The following PRKG1 variants were observed in gnomAD, a reference collection of about 807,000 sequenced individuals.
PRKG1 encodes protein kinase cGMP-dependent 1.
In PRKG1, 35 loss-of-function variants were observed where a neutral mutation model predicts 88.1. The ratio of observed to expected loss-of-function variants is 0.40; its 90% CI spans 0.30 to 0.53. The LOEUF (loss-of-function observed/expected upper bound fraction) is 0.53. Ranked by LOEUF, PRKG1 falls within the 20% of genes least tolerant of loss-of-function variation. PRKG1 has a pLI of 0.59. For synonymous variants in PRKG1, 303 were observed against 292.5 expected (o/e 1.04, Z -0.37); for missense variants, 540 against 839.8 (o/e 0.64, Z 4.41).
At chr10:51,336,079 A>G (rs575389982) in intron 2 of PRKG1, among the ~76,000 whole-genome samples, 41 of 152,216 alleles carry the variant, frequency 2.7e-4, no homozygotes, top group Non-Finnish European at 4.4e-4. Context: ...CAGGCTAGGC[A>G]TGGTGGCTCA....
In PRKG1 at chr10:52,003,923, T is replaced by C. The variant is rs556236936; in HGVS notation, c.763-50561T>C. On this transcript the variant is annotated intron_variant, in intron 5 of 17. Coordinates refer to ENST00000373980, the MANE Select transcript of PRKG1 (RefSeq NM_006258.4). The stretch of plus-strand genomic sequence containing the variant: ...TCAGCTCCTTAATCTAGTTACTTTG[T>C]GGCCCTAGAAAGTCATTTAACCTCT... 6.6e-5 allele frequency among the ~76,000 whole-genome samples: 10 copies of C among 152,324 alleles called. No individual in the cohort carries two copies. In the South Asian group the frequency reaches 2.1e-3, roughly 32 times the overall value.
chr10:52,210,608 A>C (rs184808714), intron 9 of PRKG1, among the ~76,000 whole-genome samples: 56 of 152,324 alleles, frequency 3.7e-4, no homozygotes, highest in Non-Finnish European at 6.5e-4. Flanking sequence ...ACTGTGTGCA[A>C]ATATTGGTCT....
intron 2 of PRKG1, among the ~76,000 whole-genome samples, chr10:51,263,885 G>A (rs1839776619): frequency 6.6e-6 from 1 of 152,178 alleles, no homozygotes; most frequent in South Asian, 2.1e-4. Flanking sequence ...CTTTTAGAGT[G>A]TCACATCACT....
intron 5 of PRKG1, among the ~76,000 whole-genome samples, chr10:51,979,164 C>T (rs190221860): frequency 7.2e-4 from 109 of 152,026 alleles, no homozygotes; most frequent in South Asian, 2.1e-3. Context: ...GAGTTTTGAA[C>T]GTGAAGAGAT....
intron 17 of PRKG1, among the ~76,000 whole-genome samples, chr10:52,292,718 T>G (rs377515625): frequency 2.0e-5 from 3 of 152,208 alleles, no homozygotes; most frequent in East Asian, 1.9e-4. Flanking sequence ...CAACCCTTCA[T>G]GCTAAAAACT....
chr10:52,020,303 G>A (rs1440602469), intron 5 of PRKG1, among the ~76,000 whole-genome samples: 2 of 152,100 alleles, frequency 1.3e-5, no homozygotes, highest in Non-Finnish European at 2.9e-5. Context: ...TTTTTCATCT[G>A]TGGATCTCTA....
intron 5 of PRKG1, among the ~76,000 whole-genome samples, chr10:51,995,754 A>G (rs762790271): frequency 6.6e-5 from 10 of 152,314 alleles, no homozygotes; most frequent in Non-Finnish European, 1.3e-4. Context: ...TCAGTTCCTT[A>G]TCTGAAAAAT....
At position 52,159,963 on chromosome 10, in the gene PRKG1, G is replaced by GTAAA. The variant is rs369500494; in HGVS notation, c.1002-1923_1002-1920dup. 2.6e-3 allele frequency among the ~76,000 whole-genome samples: 396 copies of GTAAA among 151,666 alleles called. 3 individuals are homozygous for GTAAA. The highest frequency in any genetic ancestry group is 9.2e-3 in the African/African-American group (382 of 41,438). Reference sequence around the variant, plus strand: ...ATAATGTTTTGGATTTTGTTGTATTGTAAATATCCAAATATAAAGGACAGA... The same window carrying GTAAA: ...ATAATGTTTTGGATTTTGTTGTATTGTAAATAAATATCCAAATATAAAGGACAGA... On this transcript the variant is annotated intron_variant, in intron 8 of 17. Coordinates refer to ENST00000373980, the MANE Select transcript of PRKG1 (RefSeq NM_006258.4).
chr10:52,116,041 C>A (rs897023770), intron 7 of PRKG1, among the ~76,000 whole-genome samples: 18 of 152,186 alleles, frequency 1.2e-4, no homozygotes, highest in African/African-American at 3.9e-4. Context: ...AGGTGCCATG[C>A]AGAAATAACC....
At chr10:52,036,534 G>A (rs1173098414) in intron 5 of PRKG1, among the ~76,000 whole-genome samples, 1 of 151,982 alleles carries the variant, frequency 6.6e-6, no homozygotes, top group Non-Finnish European at 1.5e-5. Context: ...GGGTAAGGGT[G>A]ATTAGGTTTT....
chr10:51,976,846 T>G (rs1843849750), intron 5 of PRKG1, among the ~76,000 whole-genome samples: 1 of 152,014 alleles, frequency 6.6e-6, no homozygotes, highest in African/African-American at 2.4e-5. Flanking sequence ...TTTAATTAAG[T>G]TATGACCTGT....
At chr10:51,850,489 T>TTATATATA (rs141736837) in intron 4 of PRKG1, among the ~76,000 whole-genome samples, 1,682 of 143,636 alleles carry the variant, frequency 0.012, 35 homozygotes, top group African/African-American at 0.038. Flanking sequence ...TGTTGCAATT[T>TTATATATA]TATATATATA....
intron 2 of PRKG1, among the ~76,000 whole-genome samples, chr10:51,373,312 T>C (rs1842741309): frequency 6.6e-6 from 1 of 152,222 alleles, no homozygotes; most frequent in Non-Finnish European, 1.5e-5. Flanking sequence ...ATCTGAGCCC[T>C]CTGCTTCTGG....
Position 52,251,660 on chromosome 10 carries a change from A to G in PRKG1, c.1167A>G (p.Val389=). 6.2e-7 allele frequency: 1 copy of G among 1,610,952 alleles called. No individual in the cohort carries two copies. The highest frequency in any genetic ancestry group is 1.1e-5 in the South Asian group (1 of 90,986). ...TTGGAGTTGGAGGTTTCGGACGAGT[A>G]GAACTGGTAGGTGATTGTTCTTTAA... ...DTLGVGGFGR[V]ELVQLKSEES... is the part of the protein sequence containing the mutation. The change falls in exon 10 of 18, where the codon GTA becomes GTG. Residue 389 remains valine (V), a synonymous_variant. Coordinates refer to ENST00000373980, the MANE Select transcript of PRKG1 (RefSeq NM_006258.4).
intron 7 of PRKG1, among the ~76,000 whole-genome samples, chr10:52,085,448 T>C (rs900980737): frequency 3.9e-5 from 6 of 152,166 alleles, no homozygotes; most frequent in African/African-American, 1.4e-4. Context: ...GTTCAATGGC[T>C]GATCAATTAC....
At chr10:51,995,162 C>A (rs147092886) in intron 5 of PRKG1, among the ~76,000 whole-genome samples, 58 of 152,210 alleles carry the variant, frequency 3.8e-4, no homozygotes, top group African/African-American at 1.3e-3. Context: ...ACTCTTTTTA[C>A]TTTGCCTAGT....
intron 4 of PRKG1, among the ~76,000 whole-genome samples, chr10:51,891,693 C>A (rs1049767820): frequency 7.2e-5 from 11 of 152,160 alleles, no homozygotes; most frequent in African/African-American, 2.7e-4. Flanking sequence ...TATAGGTTTG[C>A]AGGTCATATG....
chr10:51,347,508 C>A (rs1192650138), intron 2 of PRKG1, among the ~76,000 whole-genome samples: 1 of 151,872 alleles, frequency 6.6e-6, no homozygotes, highest in Non-Finnish European at 1.5e-5. Context: ...GGAATACCAG[C>A]CAGACAGTAG....
chr10:52,062,664 T>C (rs764485280), intron 7 of PRKG1, 33 bp downstream of exon 7: 19 of 1,498,302 alleles, frequency 1.3e-5, no homozygotes, highest in Non-Finnish European at 1.7e-5. Context: ...AGGTTTTTGT[T>C]TGAGTGCTAC....
Sources: gnomAD v4.1 joint callset for allele counts (sites outside exome capture counted in the v4.1 genomes callset) on GRCh38, gnomAD v4.1.1 for gene constraint, MANE v1.5 for transcripts, NCBI Gene and HGNC (gene_info 2026-07-23, HGNC 2026-07-21) for gene names.